PHACTR3: variants seen among roughly 807,000 people sequenced by gnomAD.
The protein encoded by PHACTR3 is protein phosphatase 1, regulatory subunit 123.
A neutral mutation model predicts 66.8 loss-of-function variants in PHACTR3; 16 were observed. The observed-to-expected ratio is 0.24, with a 90% CI of 0.16 to 0.36. PHACTR3 has a LOEUF of 0.36. Among genes scored for constraint, PHACTR3 ranks in the 10% least tolerant of loss-of-function variants. The pLI is 1.00. For missense variants in PHACTR3, 647 were observed against 719.9 expected (o/e 0.90, Z 1.16); for synonymous variants, 323 against 292.1 (o/e 1.11, Z -1.08).
intron 1 of PHACTR3, among the ~76,000 whole-genome samples, chr20:59,584,472 G>C (rs561306534): frequency 1.4e-4 from 22 of 152,238 alleles, no homozygotes; most frequent in African/African-American, 4.8e-4. Context: ...GAAGGTGTGC[G>C]TGAGTGTGTA....
intron 7 of PHACTR3, among the ~76,000 whole-genome samples, chr20:59,786,153 T>G (rs991366807): frequency 1.3e-5 from 2 of 152,222 alleles, no homozygotes; most frequent in African/African-American, 4.8e-5. Context: ...ATCCTCCCCT[T>G]TGCCCTGCTC....
chr20:59,697,203 CA>C (rs1358389145), intron 1 of PHACTR3, among the ~76,000 whole-genome samples: 14 of 152,150 alleles, frequency 9.2e-5, no homozygotes, highest in Non-Finnish European at 1.5e-5. Context: ...ACCAGGAGCC[CA>C]GCAGCCCTTC....
chr20:59,596,502 T>A (rs1444483149), intron 1 of PHACTR3, among the ~76,000 whole-genome samples: 1 of 152,250 alleles, frequency 6.6e-6, no homozygotes, highest in Non-Finnish European at 1.5e-5. Context: ...AACAGAATAT[T>A]GTGATACCTA....
At chr20:59,786,726 C>T (rs888328657) in intron 7 of PHACTR3, among the ~76,000 whole-genome samples, 7 of 151,454 alleles carry the variant, frequency 4.6e-5, no homozygotes, top group African/African-American at 1.5e-4. Flanking sequence ...GTGCAGTTGA[C>T]GGGTGTCCAT....
chr20:59,804,547 C>G (rs2041507866), intron 7 of PHACTR3, among the ~76,000 whole-genome samples: 1 of 152,182 alleles, frequency 6.6e-6, no homozygotes, highest in South Asian at 2.1e-4. Flanking sequence ...TCATGAATGT[C>G]ACCGTCGCAT....
intron 1 of PHACTR3, among the ~76,000 whole-genome samples, chr20:59,596,082 G>A (rs908830823): frequency 6.6e-6 from 1 of 152,044 alleles, no homozygotes; most frequent in Non-Finnish European, 1.5e-5. Context: ...CTCCTCCATG[G>A]GTAGCTATTC....
rs1371507011 is a variant in PHACTR3, at chr20:59,622,992, A to AAAAAAAAAAAAAAAAAAAAAAC, written c.118+17869_118+17870insAAAAAAAAAAAACAAAAAAAAA. 6.2e-5 allele frequency among the ~76,000 whole-genome samples: 9 copies of AAAAAAAAAAAAAAAAAAAAAAC among 145,172 alleles called. 1 individual carries two copies. The highest frequency in any genetic ancestry group is 1.4e-4 in the Non-Finnish European group (9 of 65,830). On this transcript the variant is annotated intron_variant, in intron 1 of 12. Transcript: ENST00000371015. ...ACAGCAGCTTTAACCAAAAAAAAAA[A>AAAAAAAAAAAAAAAAAAAAAAC]AAAAAAAAACCCAAATCTTCAGCAA...
chr20:59,652,905 C>T (rs1000623370), intron 1 of PHACTR3, among the ~76,000 whole-genome samples: 2 of 151,988 alleles, frequency 1.3e-5, no homozygotes, highest in Non-Finnish European at 2.9e-5. Flanking sequence ...TTCACGTGTG[C>T]ATTTTCATGT....
intron 7 of PHACTR3, among the ~76,000 whole-genome samples, chr20:59,799,705 A>G (rs2041357338): frequency 6.6e-6 from 1 of 152,140 alleles, no homozygotes; most frequent in Admixed American, 6.5e-5. Context: ...TTCTTTATAT[A>G]TAAGACTTGT....
chr20:59,787,788 G>A (rs1433515658), intron 7 of PHACTR3, among the ~76,000 whole-genome samples: 2 of 152,140 alleles, frequency 1.3e-5, no homozygotes, highest in Non-Finnish European at 2.9e-5. Flanking sequence ...TACAGCTACT[G>A]TATAAAGCAA....
intron 1 of PHACTR3, among the ~76,000 whole-genome samples, chr20:59,627,224 C>A (rs2034485927): frequency 6.6e-6 from 1 of 152,128 alleles, no homozygotes; most frequent in Admixed American, 6.6e-5. Flanking sequence ...CAGCTGTGAC[C>A]CTGGAAATGC....
At chr20:59,617,951 C>T (rs757232344) in intron 1 of PHACTR3, among the ~76,000 whole-genome samples, 16 of 152,172 alleles carry the variant, frequency 1.1e-4, no homozygotes, top group Non-Finnish European at 1.9e-4. Context: ...GGGCTTGGAT[C>T]ACATCAGCTC....
At chr20:59,771,566 T>C (rs1266152330) in intron 5 of PHACTR3, among the ~76,000 whole-genome samples, 1 of 150,660 alleles carries the variant, frequency 6.6e-6, no homozygotes, top group African/African-American at 2.5e-5. Context: ...TCAGCCCACC[T>C]GCGTGGTGCC....
intron 1 of PHACTR3, among the ~76,000 whole-genome samples, chr20:59,638,813 A>ATGGATGGATGGATGG (rs55829125): frequency 7.1e-6 from 1 of 140,830 alleles, no homozygotes. Flanking sequence ...TGGATGGACG[A>ATGGATGGATGGATGG]ATGGATGGGT....
At position 59,738,152 on chromosome 20, in the gene PHACTR3, C is replaced by G. The variant is rs904429363; in HGVS notation, c.119-4955C>G. On this transcript the variant is annotated intron_variant, in intron 1 of 12. Coordinates refer to ENST00000371015, the MANE Select transcript of PHACTR3 (RefSeq NM_080672.5). This position sits in a 1 kb window ranked among gnomAD's most constrained non-coding sequence, Gnocchi z 4.4. Reference sequence around the variant, plus strand: ...CAGCAAGAAGGAGACACCATACCCCCCAGCAAGGCCCTGGCAAAGGGGATG... The same window carrying G: ...CAGCAAGAAGGAGACACCATACCCCGCAGCAAGGCCCTGGCAAAGGGGATG... Among the ~76,000 whole-genome samples the G allele has an allele frequency of 6.6e-6, 1 of 152,054 alleles. No homozygotes were observed. Among genetic ancestry groups the G allele is most frequent in the Non-Finnish European group, 1.5e-5 (1 of 68,016 alleles).
intron 8 of PHACTR3, among the ~76,000 whole-genome samples, chr20:59,811,529 G>C (rs2053075262): frequency 6.6e-6 from 1 of 152,170 alleles, no homozygotes; most frequent in Non-Finnish European, 1.5e-5. Context: ...CGTGGTGGCA[G>C]GTGCCTGTAG....
Position 59,691,639 on chromosome 20 carries a change from T to G in PHACTR3, c.119-51468T>G, listed in dbSNP as rs551461293. On this transcript the variant is annotated intron_variant, in intron 1 of 12. Transcript: ENST00000371015. The stretch of plus-strand genomic sequence containing the variant: ...GCTTTTTCTAGTTCTTCTTGTTTAT[T>G]TTTTATATAAATTTTATCTTATTTG... Among the ~76,000 whole-genome samples the G allele has an allele frequency of 2.0e-5, 3 of 152,348 alleles. No individual in the cohort carries two copies. In the South Asian group the frequency reaches 6.2e-4, roughly 32 times the overall value.
chr20:59,584,787 G>C (rs1017818809), intron 1 of PHACTR3, among the ~76,000 whole-genome samples: 2 of 152,150 alleles, frequency 1.3e-5, no homozygotes, highest in African/African-American at 4.8e-5. Flanking sequence ...TCAAGGCCCA[G>C]CAGCGAGACC....
At chr20:59,680,525 C>T (rs1017596709) in intron 1 of PHACTR3, among the ~76,000 whole-genome samples, 3 of 152,212 alleles carry the variant, frequency 2.0e-5, no homozygotes, top group Non-Finnish European at 4.4e-5. Flanking sequence ...TTAGCACCCT[C>T]CTCCTAACAG....
Sources: allele counts gnomAD v4.1 joint callset (sites outside exome capture counted in the v4.1 genomes callset), GRCh38; gene constraint gnomAD v4.1.1; non-coding constraint Gnocchi (gnomAD v3.1); transcripts MANE v1.5; gene names NCBI Gene and HGNC (gene_info 2026-07-23, HGNC 2026-07-21).